LNPEP: variants seen among roughly 807,000 people sequenced by gnomAD.
LNPEP encodes the protein leucyl-cystinyl aminopeptidase.
LNPEP carries 64 observed loss-of-function variants against 120.6 expected under a neutral mutation model. The ratio of observed to expected loss-of-function variants is 0.53; its 90% CI spans 0.43 to 0.65. The LOEUF (loss-of-function observed/expected upper bound fraction) is 0.65, where lower values mean the gene tolerates loss of function less well. Ranked by LOEUF, LNPEP falls within the 30% of genes least tolerant of loss-of-function variation. The pLI, the probability that LNPEP is intolerant of heterozygous loss-of-function variation, is 0.00. For synonymous variants in LNPEP, 435 were observed against 425.4 expected (o/e 1.02, Z -0.28); for missense variants, 1,057 against 1,200.0 (o/e 0.88, Z 1.76).
At chr5:96,950,869 A>T (rs1196260263) in intron 1 of LNPEP, among the ~76,000 whole-genome samples, 3 of 152,204 alleles carry the variant, frequency 2.0e-5, no homozygotes, top group African/African-American at 7.2e-5. Context: ...GTATATTTAT[A>T]GAGTAATTAT....
chr5:96,955,000 T>G (rs1789429064), intron 1 of LNPEP, among the ~76,000 whole-genome samples: 1 of 149,476 alleles, frequency 6.7e-6, no homozygotes, highest in East Asian at 2.0e-4. Context: ...GCCAGGATGG[T>G]CTCCATCTCC....
chr5:96,993,141 A>C lies in LNPEP; in HGVS notation c.1252+6A>C, dbSNP rs1296051915. On this transcript the variant is annotated splice_donor_region_variant and intron_variant, in intron 5 of 17. Coordinates refer to ENST00000231368, the MANE Select transcript of LNPEP (RefSeq NM_005575.3). ...GTACCCACTTAAGAAATTGGGTAAG[A>C]ATCAAATAGTGTGTCTGATTTTTGT... 1 of 1,558,082 alleles carries C rather than the reference A, an allele frequency of 6.4e-7. No individual in the cohort carries two copies. The highest frequency in any genetic ancestry group is 1.2e-5 in the South Asian group (1 of 83,806).
chr5:97,010,841 G>A (rs2112653967), intron 11 of LNPEP: 3 of 985,408 alleles, frequency 3.0e-6, no homozygotes, highest in Non-Finnish European at 3.6e-6. Flanking sequence ...TGTGTGCAAA[G>A]CTATTATTTT....
At chr5:97,017,429 T>G (rs566947344) in intron 13 of LNPEP, among the ~76,000 whole-genome samples, 2 of 152,260 alleles carry the variant, frequency 1.3e-5, no homozygotes, top group South Asian at 2.1e-4. Context: ...TCTTGCTTTT[T>G]TTTACTCTCT....
At chr5:96,943,846 G>A (rs1368556690) in intron 1 of LNPEP, among the ~76,000 whole-genome samples, 2 of 152,254 alleles carry the variant, frequency 1.3e-5, no homozygotes, top group African/African-American at 4.8e-5. Flanking sequence ...GTACTCCTGG[G>A]CATTCCACAT....
chr5:96,979,180 T>C lies in LNPEP; in HGVS notation c.62T>C (p.Phe21Ser). 6.2e-7 allele frequency: 1 copy of C among 1,613,470 alleles called. No individual in the cohort carries two copies. Among genetic ancestry groups the C allele is most frequent in the South Asian group, 1.1e-5 (1 of 91,030 alleles). The change falls in exon 2 of 18, where the codon TTT becomes TCT. Residue 21 changes from phenylalanine to serine, a missense_variant. Physicochemically the swap from Phe to Ser is radical, Grantham distance 155 (BLOSUM62 -2). Coordinates refer to ENST00000231368, the MANE Select transcript of LNPEP (RefSeq NM_005575.3). ...AGGAATATGATTGAAAACAGCATGT[T>C]TGAGGAAGAACCAGATGTGGTGGAT... ...LPRNMIENSM[F>S]EEEPDVVDLA... is the part of the protein sequence containing the mutation.
At chr5:96,992,413 A>G (rs1051859119) in intron 4 of LNPEP, among the ~76,000 whole-genome samples, 3 of 152,230 alleles carry the variant, frequency 2.0e-5, no homozygotes, top group Non-Finnish European at 2.9e-5. Context: ...TTGGAAGAAA[A>G]ACTGGCTGTG....
chr5:97,001,320 T>A (rs111506160), intron 8 of LNPEP, among the ~76,000 whole-genome samples: 6,771 of 151,890 alleles, frequency 0.045, 219 homozygotes, highest in Middle Eastern at 0.11. Context: ...GAGAGAGGGG[T>A]CAGGGTAACT....
At chr5:97,006,949 A>G (rs1013002132) in intron 11 of LNPEP, among the ~76,000 whole-genome samples, 3 of 152,262 alleles carry the variant, frequency 2.0e-5, no homozygotes, top group Non-Finnish European at 2.9e-5. Context: ...AGTTATTGCA[A>G]TATGCCCTGC....
At chr5:97,019,637 C>T (rs1791144376) in intron 13 of LNPEP, among the ~76,000 whole-genome samples, 1 of 152,142 alleles carries the variant, frequency 6.6e-6, no homozygotes, top group South Asian at 2.1e-4. Context: ...GTCAGATTTC[C>T]TTTGCTTCCA....
intron 11 of LNPEP, among the ~76,000 whole-genome samples, chr5:97,012,704 A>T (rs977899568): frequency 1.3e-5 from 2 of 152,188 alleles, no homozygotes; most frequent in Non-Finnish European, 2.9e-5. Context: ...TAGCAGTTTT[A>T]AGGATTTTAA....
rs375647311 is a variant in LNPEP at position 96,979,228 on chromosome 5, A to C, written c.110A>C (p.His37Pro). ...VVDLAKEPCL[H>P]PLEPDEVEYE... ...GATTTAGCCAAAGAGCCTTGTTTAC[A>C]TCCTCTAGAGCCTGATGAGGTGGAA... The change falls in exon 2 of 18, where the codon CAT (histidine) becomes CCT (proline). Residue 37 changes from histidine to proline, a missense_variant. Physicochemically the swap from His to Pro is moderately conservative, Grantham distance 77. Coordinates refer to ENST00000231368, the MANE Select transcript of LNPEP (RefSeq NM_005575.3). 3 of 1,613,820 alleles carry C rather than the reference A, an allele frequency of 1.9e-6. No individual in the cohort carries two copies. In the African/African-American group the frequency reaches 4.0e-5, roughly 22 times the overall value.
At position 97,032,501 on chromosome 5, in the gene LNPEP, T is replaced by G. The variant is rs911080199; in HGVS notation, c.*3968T>G. ...TAAAAATGTACATACATGTTTTTGA[T>G]AGTTTTTATATTATTTCATTTTGTA... On this transcript the variant is annotated 3_prime_UTR_variant, in exon 18 of 18. Transcript: ENST00000231368. 1.3e-5 allele frequency: 2 copies of G among 152,186 alleles called. No homozygotes were observed. The highest frequency in any genetic ancestry group is 2.9e-5 in the Non-Finnish European group (2 of 68,032). The allele number at this position is 152,186 out of a possible 1,614,324, so 9.4% of individuals were successfully genotyped here.
intron 1 of LNPEP, among the ~76,000 whole-genome samples, chr5:96,957,441 A>G (rs1789495844): frequency 1.3e-5 from 2 of 152,310 alleles, no homozygotes; most frequent in African/African-American, 4.8e-5. Context: ...AAGAGGAGTT[A>G]GGTTGCAATT....
intron 9 of LNPEP, among the ~76,000 whole-genome samples, chr5:97,004,571 G>A (rs923226150): frequency 4.0e-5 from 6 of 151,572 alleles, no homozygotes; most frequent in Admixed American, 2.0e-4. Context: ...TGAAAGTTCT[G>A]GCCATATTAC....
chr5:96,947,460 CAT>C (rs1234091189), intron 1 of LNPEP, among the ~76,000 whole-genome samples: 2 of 152,120 alleles, frequency 1.3e-5, no homozygotes, highest in Admixed American at 6.5e-5. Context: ...TAGGCATGGT[CAT>C]ATGATTAATA....
intron 1 of LNPEP, among the ~76,000 whole-genome samples, chr5:96,940,741 A>G (rs1485303825): frequency 1.3e-5 from 2 of 152,106 alleles, no homozygotes; most frequent in Admixed American, 1.3e-4. Flanking sequence ...AGCCAAGATT[A>G]CCCCAGATGT....
chr5:96,949,161 T>C (rs1373226519), intron 1 of LNPEP, among the ~76,000 whole-genome samples: 2 of 152,238 alleles, frequency 1.3e-5, no homozygotes, highest in African/African-American at 4.8e-5. Flanking sequence ...TCTTTCCATT[T>C]CATATTTATT....
In LNPEP at chr5:96,990,206, G is replaced by A. The variant is rs183145492; in HGVS notation, c.1132-2809G>A. ...TTTAAAAATTGTATGTCAGGTGCAC[G>A]TGCGTGTGTGTGTGTATATTAAAAC... On this transcript the variant is annotated intron_variant, in intron 4 of 17. Transcript: ENST00000231368. 1.5e-3 allele frequency among the ~76,000 whole-genome samples: 229 copies of A among 152,226 alleles called. 1 individual carries two copies. Among genetic ancestry groups the A allele is most frequent in the African/African-American group, 5.2e-3 (218 of 41,546 alleles).
Sources: allele counts gnomAD v4.1 joint callset (sites outside exome capture counted in the v4.1 genomes callset), GRCh38; gene constraint gnomAD v4.1.1; transcripts MANE v1.5; gene names NCBI Gene and HGNC (gene_info 2026-07-23, HGNC 2026-07-21).